The following UNC5D variants were observed in gnomAD, a reference collection of about 807,000 sequenced individuals.
UNC5D encodes the protein netrin receptor UNC5D.
UNC5D carries 39 observed loss-of-function variants against 105.4 expected under a neutral mutation model. The observed-to-expected ratio is 0.37, with a 90% CI of 0.29 to 0.48. The LOEUF (loss-of-function observed/expected upper bound fraction) is 0.48, where lower values mean the gene tolerates loss of function less well. UNC5D is among the 20% of genes least tolerant of loss of function. The pLI is 0.98. For missense variants in UNC5D, 991 were observed against 1,202.4 expected (o/e 0.82, Z 2.60); for synonymous variants, 452 against 450.4 (o/e 1.00, Z -0.04).
intron 1 of UNC5D, among the ~76,000 whole-genome samples, chr8:35,239,905 C>CTT (rs1802698104): frequency 6.6e-6 from 1 of 150,978 alleles, no homozygotes; most frequent in African/African-American, 2.4e-5. Flanking sequence ...TTTTCCTTTC[C>CTT]TTTCCTTTTT....
intron 1 of UNC5D, among the ~76,000 whole-genome samples, chr8:35,271,675 A>C (rs1805360462): frequency 2.2e-5 from 1 of 45,094 alleles, no homozygotes; most frequent in South Asian, 1.3e-3. Context: ...ACAGGTATAC[A>C]TATATATGTA....
rs142854889 is a variant in UNC5D, at chr8:35,573,239, C to T, written c.466+4998C>T. 6.1e-3 allele frequency among the ~76,000 whole-genome samples: 935 copies of T among 152,282 alleles called. 4 individuals carry two copies. Among genetic ancestry groups the T allele is most frequent in the African/African-American group, 0.022 (899 of 41,548 alleles). Reference sequence around the variant, plus strand: ...GAAAATGTTGATTTAACCATTCACCCAAATTCCTCATTTAACAGCTGGGAA... The same window carrying T: ...GAAAATGTTGATTTAACCATTCACCTAAATTCCTCATTTAACAGCTGGGAA... On this transcript the variant is annotated intron_variant, in intron 3 of 16. Coordinates refer to ENST00000404895, the MANE Select transcript of UNC5D (RefSeq NM_080872.4).
chr8:35,328,224 A>T (rs1353489545), intron 1 of UNC5D, among the ~76,000 whole-genome samples: 1 of 48,788 alleles, frequency 2.0e-5, no homozygotes, highest in Non-Finnish European at 5.0e-5. Context: ...GATTTACTTT[A>T]TTTTATTTAT....
intron 1 of UNC5D, among the ~76,000 whole-genome samples, chr8:35,353,362 G>A (rs566266509): frequency 2.6e-5 from 4 of 152,260 alleles, no homozygotes; most frequent in African/African-American, 9.6e-5. Flanking sequence ...ATGCCAATTT[G>A]TCACCCGCCA....
intron 4 of UNC5D, among the ~76,000 whole-genome samples, chr8:35,622,372 C>T (rs1306566368): frequency 1.3e-5 from 2 of 151,902 alleles, no homozygotes; most frequent in Non-Finnish European, 2.9e-5. Context: ...ACAAAACAAA[C>T]AAAAAACTCC....
intron 1 of UNC5D, among the ~76,000 whole-genome samples, chr8:35,470,250 G>A (rs1809605874): frequency 6.6e-6 from 1 of 152,064 alleles, no homozygotes; most frequent in Non-Finnish European, 1.5e-5. Flanking sequence ...GATGGTGTTG[G>A]GGACATTAGA....
At chr8:35,251,375 C>T (rs1803684144) in intron 1 of UNC5D, among the ~76,000 whole-genome samples, 1 of 152,072 alleles carries the variant, frequency 6.6e-6, no homozygotes, top group African/African-American at 2.4e-5. Flanking sequence ...TTCGTGAGAA[C>T]CACCCCCATG....
intron 4 of UNC5D, among the ~76,000 whole-genome samples, chr8:35,629,587 G>T (rs975643443): frequency 6.6e-6 from 1 of 152,054 alleles, no homozygotes; most frequent in East Asian, 1.9e-4. Flanking sequence ...TAATCGATTC[G>T]GTGCAGTGTT....
At chr8:35,490,287 G>A (rs1490721817) in intron 1 of UNC5D, among the ~76,000 whole-genome samples, 1 of 152,206 alleles carries the variant, frequency 6.6e-6, no homozygotes, top group Non-Finnish European at 1.5e-5. Context: ...AGGATTGCTT[G>A]AGGCCAGGAA....
At chr8:35,689,094 T>A (rs1302449882) in intron 7 of UNC5D, among the ~76,000 whole-genome samples, 1 of 152,212 alleles carries the variant, frequency 6.6e-6, no homozygotes, top group Non-Finnish European at 1.5e-5. Context: ...GGTTGAAATT[T>A]TTATAGTCAT....
intron 1 of UNC5D, among the ~76,000 whole-genome samples, chr8:35,425,841 G>C (rs1305286164): frequency 2.0e-5 from 3 of 152,034 alleles, no homozygotes; most frequent in Non-Finnish European, 4.4e-5. Context: ...ATATTTATAG[G>C]ATACATAGTT....
chr8:35,585,523 AAT>A (rs1491096913), intron 3 of UNC5D, among the ~76,000 whole-genome samples: 7 of 140,004 alleles, frequency 5.0e-5, no homozygotes, highest in Non-Finnish European at 9.4e-5. Flanking sequence ...TTGCAACCAT[AAT>A]ATGTGTGTGT....
chr8:35,564,365 T>G (rs1817179530), intron 2 of UNC5D, among the ~76,000 whole-genome samples: 2 of 152,176 alleles, frequency 1.3e-5, no homozygotes, highest in African/African-American at 4.8e-5. Context: ...GTCTCCCTGT[T>G]CTGCAATATA....
Position 35,683,257 on chromosome 8 carries a change from A to T in UNC5D, c.571-290A>T, listed in dbSNP as rs769513256. On this transcript the variant is annotated intron_variant, in intron 4 of 16. Coordinates refer to ENST00000404895, the MANE Select transcript of UNC5D (RefSeq NM_080872.4). ...TAATGAAATGAAATGGCCTAATTGCAGTCACCTCTTTTCTCTCCTCCACTG... is the reference window on the plus strand; with the variant it reads ...TAATGAAATGAAATGGCCTAATTGCTGTCACCTCTTTTCTCTCCTCCACTG... Among the ~76,000 whole-genome samples the T allele has an allele frequency of 1.4e-3, 217 of 152,320 alleles. 1 individual carries two copies. Among genetic ancestry groups the T allele is most frequent in the Admixed American group, 9.8e-4 (15 of 15,298 alleles).
At chr8:35,237,811 C>T (rs1465132655) in intron 1 of UNC5D, among the ~76,000 whole-genome samples, 1 of 152,180 alleles carries the variant, frequency 6.6e-6, no homozygotes, top group East Asian at 1.9e-4. Flanking sequence ...TCAGAGAGTC[C>T]TCAAGAAATG....
intron 1 of UNC5D, among the ~76,000 whole-genome samples, chr8:35,467,588 A>G (rs956530435): frequency 8.0e-6 from 1 of 124,416 alleles, no homozygotes; most frequent in African/African-American, 2.8e-5. Flanking sequence ...AAAAAAAAAA[A>G]AAAGAAGAAA....
At chr8:35,393,462 C>T (rs1379154842) in intron 1 of UNC5D, among the ~76,000 whole-genome samples, 1 of 151,384 alleles carries the variant, frequency 6.6e-6, no homozygotes, top group Non-Finnish European at 1.5e-5. Flanking sequence ...ATTTTAATGT[C>T]TCCCTTTTCA....
chr8:35,279,737 C>A (rs1001604213), intron 1 of UNC5D, among the ~76,000 whole-genome samples: 1 of 152,182 alleles, frequency 6.6e-6, no homozygotes, highest in Admixed American at 6.5e-5. Flanking sequence ...TGCTTTGCTT[C>A]AGAAAGACAT....
At chr8:35,739,236 A>G (rs1403805647) in intron 11 of UNC5D, among the ~76,000 whole-genome samples, 1 of 152,168 alleles carries the variant, frequency 6.6e-6, no homozygotes, top group African/African-American at 2.4e-5. Context: ...TGAAATCATG[A>G]TGATTTCTTC....
Sources: gnomAD v4.1 joint callset for allele counts (sites outside exome capture counted in the v4.1 genomes callset) on GRCh38, gnomAD v4.1.1 for gene constraint, MANE v1.5 for transcripts, NCBI Gene and HGNC (gene_info 2026-07-23, HGNC 2026-07-21) for gene names.